The following TTN variants were observed in gnomAD, a reference collection of about 807,000 sequenced individuals.
The protein encoded by TTN is connectin.
Under a neutral mutation model 3,223.0 loss-of-function variants are expected in TTN, and 1,525 were observed. The observed-to-expected ratio is 0.47, with a 90% CI of 0.45 to 0.49. The LOEUF (loss-of-function observed/expected upper bound fraction) is 0.49. Among genes scored for constraint, TTN ranks in the 20% least tolerant of loss-of-function variants. TTN has a pLI of 0.00. For missense variants in TTN, 40,786 were observed against 43,424.0 expected, an observed-to-expected ratio of 0.94 and a Z score of 5.40; for synonymous variants, 14,094 against 15,161.0, an observed-to-expected ratio of 0.93 and a Z score of 5.17.
rs376080116 is a variant in TTN at position 178,608,680 on chromosome 2, C to T, written c.52331G>A (p.Arg17444His). 134 of 1,612,006 alleles carry T rather than the reference C, an allele frequency of 8.3e-5. No homozygotes were observed. The Admixed American group carries it at 9.0e-4, about 11-fold the overall frequency. The change falls in exon 274 of 363, where the codon CGT becomes CAT. Residue 17444 changes from arginine (R) to histidine (H), a missense_variant. Physicochemically the swap from Arg to His is conservative, Grantham distance 29. Coordinates refer to ENST00000589042, the MANE Select transcript of TTN (RefSeq NM_001267550.2). ...CCCAAATCTGTTTTCAGCTCTTACA[C>T]GGAAGAGGTACTCTTTTCCTTCAAT... ...KLIEGKEYLF[R>H]VRAENRFGPG...
Position 178,734,537 on chromosome 2 carries a change from C to T in TTN, c.15287G>A (p.Cys5096Tyr), listed in dbSNP as rs761022854. The T allele has an allele frequency of 3.1e-6, 5 of 1,610,666 alleles. No individual in the cohort carries two copies. The highest frequency in any genetic ancestry group is 3.4e-6 in the Non-Finnish European group (4 of 1,177,982). Residue 5096 changes from cysteine (C) to tyrosine (Y), a missense_variant, in exon 52 of 363, where the codon TGT becomes TAT. By Grantham distance (194) the Cys-to-Tyr change is radical. Coordinates refer to ENST00000589042, the MANE Select transcript of TTN (RefSeq NM_001267550.2). ...IVRGTNALLQ[C>Y]EVSGTGPFEI... ...AAATGGTCCAGTGCCTGAGACTTCACACTGAAGTAGAGCATTTGTTCCTCT... is the reference window on the plus strand; with the variant it reads ...AAATGGTCCAGTGCCTGAGACTTCATACTGAAGTAGAGCATTTGTTCCTCT...
chr2:178,598,098 C>A, intron 292 of TTN, 40 bp from the exon 293 acceptor site: 2 of 1,585,518 alleles, frequency 1.3e-6, no homozygotes, highest in Non-Finnish European at 8.6e-7. Flanking sequence ...TAGAATAGTT[C>A]TTTGTAGCTT....
At chr2:178,707,891 GA>G (rs1319965502) in intron 99 of TTN, 78 bp from the exon 100 acceptor site, 12 of 1,474,934 alleles carry the variant, frequency 8.1e-6, no homozygotes, top group Non-Finnish European at 1.0e-5. Flanking sequence ...CAAATAAAGA[GA>G]AAAACTGGCC....
At chr2:178,599,872 G>A (rs1248658980) in intron 288 of TTN, 22 bp from the exon 289 acceptor site, 1 of 1,528,882 alleles carries the variant, frequency 6.5e-7, no homozygotes, top group Admixed American at 2.2e-5. Flanking sequence ...AAAAAAAGTT[G>A]TCATTAGGAG....
chr2:178,584,965 G>A lies in TTN; in HGVS notation c.64676C>T (p.Ala21559Val). Residue 21559 changes from alanine to valine, a missense_variant, in exon 310 of 363, where the codon GCC becomes GTC. Transcript: ENST00000589042. ...AAATGGAGGCTGAGGGGGGCCGGGG[G>A]CATCTACATGAACCAAGAGGAAAGA... ...TQKIKVVVMD[A>V]PGPPQPPFDI... 1.9e-6 allele frequency: 3 copies of A among 1,612,874 alleles called. No individual in the cohort carries two copies. The highest frequency in any genetic ancestry group is 2.5e-6 in the Non-Finnish European group (3 of 1,179,420).
At position 178,741,470 on chromosome 2, in the gene TTN, T is replaced by A. The variant is rs764452160; in HGVS notation, c.11763A>T (p.Thr3921=). 6.2e-7 allele frequency: 1 copy of A among 1,613,908 alleles called. No homozygotes were observed. The highest frequency in any genetic ancestry group is 1.1e-5 in the South Asian group (1 of 91,080). The part of the protein sequence containing the change: ...SKGEGHKDTE[T]ESAVAKSLEK... ...CCAGAGATTTTGCCACTGCTGATTC[T>A]GTTTCAGTGTCTTTGTGACCCTCTC... The change falls in exon 48 of 363, where the codon ACA becomes ACT. Residue 3921 remains threonine (T), a synonymous_variant. Transcript: ENST00000589042.
chr2:178,740,669 G>T lies in TTN; in HGVS notation c.12564C>A (p.Ala4188=), dbSNP rs547338168. 3.7e-5 allele frequency: 59 copies of T among 1,613,682 alleles called. No homozygotes were observed. Among genetic ancestry groups the T allele is most frequent in the Non-Finnish European group, 4.9e-5 (58 of 1,179,798 alleles). The part of the protein sequence containing the change: ...LSDTEKIFPS[A]MSIEQINSLT... ...ATGAATTAATTTGTTCTATGGACATGGCACTTGGGAAGATTTTCTCGGTAT... is the reference window on the plus strand; with the variant it reads ...ATGAATTAATTTGTTCTATGGACATTGCACTTGGGAAGATTTTCTCGGTAT... Residue 4188 remains alanine, a synonymous_variant, in exon 48 of 363, where the codon GCC becomes GCA. Transcript: ENST00000589042.
Position 178,602,052 on chromosome 2 carries a change from T to C in TTN, c.55219A>G (p.Thr18407Ala). 1 of 1,612,808 alleles carries C rather than the reference T, an allele frequency of 6.2e-7. No individual in the cohort carries two copies. Among genetic ancestry groups the C allele is most frequent in the Non-Finnish European group, 8.5e-7 (1 of 1,179,204 alleles). ...RIPAVIKGRP[T>A]PKSSWEFDGK... The stretch of plus-strand genomic sequence containing the variant: ...TCAAATTCCCAAGATGATTTTGGTG[T>C]TGGGCGTCCCTTGATGACAGCAGGA... Residue 18407 changes from threonine to alanine, a missense_variant, in exon 284 of 363, where the codon ACA becomes GCA. Transcript: ENST00000589042.
Position 178,563,947 on chromosome 2 carries a change from C to T in TTN, c.82185G>A (p.Leu27395=). 6.2e-7 allele frequency: 1 copy of T among 1,613,688 alleles called. No homozygotes were observed. The highest frequency in any genetic ancestry group is 1.1e-5 in the South Asian group (1 of 91,084). ...EKCYLAWNPP[L]QDGGANISHY... The stretch of plus-strand genomic sequence containing the variant: ...GTGAAATATTAGCACCACCATCTTG[C>T]AAAGGTGGGTTCCATGCCAGGTAAC... The change falls in exon 326 of 363, where the codon TTG becomes TTA. Residue 27395 remains leucine, a synonymous_variant. Transcript: ENST00000589042. This position sits in a 1 kb window ranked among gnomAD's most constrained non-coding sequence, Gnocchi z 4.5.
chr2:178,546,525 T>C (rs767028722), intron 341 of TTN, 23 bp from the exon 342 acceptor site: 1 of 1,602,400 alleles, frequency 6.2e-7, no homozygotes, highest in East Asian at 2.2e-5. Context: ...AAAACAGATA[T>C]GAATGAATAT....
rs2071863788 is a variant in TTN, at chr2:178,689,786, A to G, written c.31846+27T>C. 4.5e-6 allele frequency: 7 copies of G among 1,572,504 alleles called. No homozygotes were observed. In the South Asian group the frequency reaches 8.2e-5, roughly 19 times the overall value. The stretch of plus-strand genomic sequence containing the variant: ...ATATTTTGTATCAAAGATAAAAGAT[A>G]GGGCTTTACGTCGAAAGCCACTGTA... On this transcript the variant is annotated intron_variant, in intron 122 of 362. Coordinates refer to ENST00000589042, the MANE Select transcript of TTN (RefSeq NM_001267550.2).
At chr2:178,747,111 T>A (rs1560978852) in intron 47 of TTN, 3 of 1,608,894 alleles carry the variant, frequency 1.9e-6, no homozygotes, top group Non-Finnish European at 1.7e-6. Flanking sequence ...CCTGGGGGTG[T>A]GGAGTATCTC....
intron 60 of TTN, 34 bp from the exon 61 acceptor site, chr2:178,730,826 A>G (rs1560791009): frequency 6.5e-7 from 1 of 1,542,024 alleles, no homozygotes. Flanking sequence ...CAACAAAAAA[A>G]GGTCAATCTA....
rs2049989687 is a variant in TTN, at chr2:178,590,552, C to T, written c.61173G>A (p.Val20391=). Residue 20391 remains valine, a synonymous_variant, in exon 304 of 363, where the codon GTG becomes GTA. Coordinates refer to ENST00000589042, the MANE Select transcript of TTN (RefSeq NM_001267550.2). ...KDKSRETADL[V]WTKPLSDGGS... ...CACCATCACTGAGAGGCTTTGTCCA[C>T]ACCAAATCAGCTGTTTCTCTGCTCT... The T allele has an allele frequency of 6.2e-7, 1 of 1,612,454 alleles. No homozygotes were observed. The highest frequency in any genetic ancestry group is 8.5e-7 in the Non-Finnish European group (1 of 1,179,218).
At position 178,667,494 on chromosome 2, in the gene TTN, T is replaced by G. The variant is rs904228001; in HGVS notation, c.35661A>C (p.Glu11887Asp). The G allele has an allele frequency of 3.1e-6, 5 of 1,598,724 alleles. No homozygotes were observed. Among genetic ancestry groups the G allele is most frequent in the African/African-American group, 2.7e-5 (2 of 74,890 alleles). ...VPEPPKKVVP[E>D]DKIYVTIPKK... The stretch of plus-strand genomic sequence containing the variant: ...TAGGAATAGTCACATATATTTTGTC[T>G]TCTGGAACAACTTTCTTGGGTGGCT... The change falls in exon 161 of 363, where the codon GAA (glutamate) becomes GAC (aspartate). Residue 11887 changes from glutamate (E) to aspartate (D), a missense_variant. By Grantham distance (45) the Glu-to-Asp change is conservative. Coordinates refer to ENST00000589042, the MANE Select transcript of TTN (RefSeq NM_001267550.2).
Position 178,793,545 on chromosome 2 carries a change from C to T in TTN, c.1399-4G>A, listed in dbSNP as rs2093621290. The T allele has an allele frequency of 1.7e-5, 28 of 1,613,592 alleles. No individual in the cohort carries two copies. The highest frequency in any genetic ancestry group is 2.4e-5 in the Non-Finnish European group (28 of 1,180,002). On this transcript the variant is annotated splice_polypyrimidine_tract_variant and splice_region_variant and intron_variant, in intron 8 of 362. Transcript: ENST00000589042. ...TCTTCTCCGCTTCCTTTCTTACCTG[C>T]TTTTCATAGAGAAAGGAAGAAAACA...
At chr2:178,583,992 A>T in intron 311 of TTN, 86 bp from the exon 312 acceptor site, 1 of 1,347,094 alleles carries the variant, frequency 7.4e-7, no homozygotes, top group East Asian at 2.5e-5. Flanking sequence ...CCTGCTGCTA[A>T]GTAACAAGCT....
rs374015538 is a variant in TTN at position 178,734,916 on chromosome 2, C to T, written c.15008G>A (p.Cys5003Tyr). ...GATCACAGGTGAGCCTTTCAGCTTG[C>T]AATGGAGGCGTGCTGATTCACCTGG... The part of the protein sequence containing the change: ...MLPGESARLH[C>Y]KLKGSPVIQV... The change falls in exon 51 of 363, where the codon TGC becomes TAC. Residue 5003 changes from cysteine (C) to tyrosine (Y), a missense_variant. Transcript: ENST00000589042. The T allele has an allele frequency of 3.1e-6, 5 of 1,612,166 alleles. No individual in the cohort carries two copies. Among genetic ancestry groups the T allele is most frequent in the East Asian group, 4.5e-5 (2 of 44,716 alleles).
rs71023450 is a variant in TTN, at chr2:178,646,104, TTATATATATATATATATATATATATATA to T, written c.40298-102_40298-75del. On this transcript the variant is annotated intron_variant, in intron 216 of 362. Coordinates refer to ENST00000589042, the MANE Select transcript of TTN (RefSeq NM_001267550.2). ...GGATATGTAGTATATTTAATAGAAATTATATATATATATATATATATATATATATATATATATATATATGAAGTACAAA... is the reference window on the plus strand; with the variant it reads ...GGATATGTAGTATATTTAATAGAAATTATATATATATATATGAAGTACAAA... 7.4e-4 allele frequency: 28 copies of T among 37,992 alleles called. 5 individuals are homozygous for T. The highest frequency in any genetic ancestry group is 0.033 in the Middle Eastern group (2 of 60). 2.4% of individuals were successfully genotyped at this position (37,992 alleles called of 1,614,324 possible). A position where few individuals can be genotyped will look rare whatever the true frequency, so the allele number is the denominator to read the frequency against.
Sources: gnomAD v4.1 joint callset for allele counts on GRCh38, gnomAD v4.1.1 for gene constraint, Gnocchi (gnomAD v3.1) non-coding constraint, MANE v1.5 for transcripts, NCBI Gene and HGNC (gene_info 2026-07-23, HGNC 2026-07-21) for gene names.